Variants in ABHD2 observed in about 807,000 individuals in gnomAD.
ABHD2 encodes monoacylglycerol lipase ABHD2.
ABHD2 carries 20 observed loss-of-function variants against 48.1 expected under a neutral mutation model. That is an observed-to-expected ratio of 0.42 (90% CI 0.29 to 0.60). ABHD2 has a LOEUF of 0.60. Among genes scored for constraint, ABHD2 ranks in the 20% least tolerant of loss-of-function variants. The pLI, the probability that ABHD2 is intolerant of heterozygous loss-of-function variation, is 0.24. For missense variants in ABHD2, 405 were observed against 550.9 expected, an observed-to-expected ratio of 0.74 and a Z score of 2.65; for synonymous variants, 209 against 214.2, an observed-to-expected ratio of 0.98 and a Z score of 0.21.
chr15:89,116,462 C>A lies in ABHD2; in HGVS notation c.135C>A (p.Tyr45Ter). The change falls in exon 3 of 11, where the codon TAC becomes TAA. Residue 45 changes from tyrosine (Y) to a stop codon, truncating the protein, a stop_gained. Transcript: ENST00000352732. LOFTEE classifies it high-confidence loss of function. This position sits in a 1 kb window ranked among gnomAD's most constrained non-coding sequence, Gnocchi z 4.6. ...LKSPTAPPDL[Y>*]FQDSGLSRFL... ...GCCCCACAGCCCCACCTGACCTCTA[C>A]TTCCAGGACTCGGGGCTCTCACGCT... 6.2e-7 allele frequency: 1 copy of A among 1,614,258 alleles called. No individual in the cohort carries two copies. Among genetic ancestry groups the A allele is most frequent in the Non-Finnish European group, 8.5e-7 (1 of 1,180,050 alleles).
At position 89,201,572 on chromosome 15, in the gene ABHD2, T is replaced by C; in HGVS notation, c.*6149T>C. Reference sequence around the variant, plus strand: ...CATAGTCAAAGGGCTGTAGCATTACTGAAACAGTCACAGTTGACCCTGGGT... The same window carrying C: ...CATAGTCAAAGGGCTGTAGCATTACCGAAACAGTCACAGTTGACCCTGGGT... On this transcript the variant is annotated 3_prime_UTR_variant, in exon 11 of 11. Transcript: ENST00000352732. 1 of 1,597,184 alleles carries C rather than the reference T, an allele frequency of 6.3e-7. No individual in the cohort carries two copies. The highest frequency in any genetic ancestry group is 8.6e-7 in the Non-Finnish European group (1 of 1,164,684).
chr15:89,183,472 G>C (rs537444897), intron 6 of ABHD2: 1 of 140,530 alleles, frequency 7.1e-6, no homozygotes, highest in South Asian at 2.3e-4. Flanking sequence ...ATAAATTTAA[G>C]TTTCAATTCC....
chr15:89,044,820 G>A, the ABHD2 span, among the ~76,000 whole-genome samples: 2 of 152,112 alleles, frequency 1.3e-5, no homozygotes, highest in South Asian at 2.1e-4. Flanking sequence ...TGTCAGATGA[G>A]TAGGTTGTGA....
chr15:89,163,684 G>C (rs1336151428), intron 5 of ABHD2, among the ~76,000 whole-genome samples: 1 of 152,230 alleles, frequency 6.6e-6, no homozygotes, highest in Non-Finnish European at 1.5e-5. Context: ...TGTGATGTTT[G>C]AGTATTTAAA....
At chr15:89,075,936 A>G in the ABHD2 span, among the ~76,000 whole-genome samples, 1 of 152,242 alleles carries the variant, frequency 6.6e-6, no homozygotes, top group African/African-American at 2.4e-5. The surrounding 1 kb of genome is among the most constrained non-coding windows in gnomAD (Gnocchi z 4.1). Context: ...CTGAAAGCCA[A>G]CTGCTGGATG....
chr15:89,173,053 T>TA lies in ABHD2; in HGVS notation c.539-2757dup, dbSNP rs2150923956. ...TAGCCATGAGGCCAGGCTGCTCCTTTAAGGCCTGGTTTTCAGTGCCTGTTA... is the reference window on the plus strand; with the variant it reads ...TAGCCATGAGGCCAGGCTGCTCCTTTAAAGGCCTGGTTTTCAGTGCCTGTTA... On this transcript the variant is annotated intron_variant, in intron 5 of 10. Transcript: ENST00000352732. This position sits in a 1 kb window ranked among gnomAD's most constrained non-coding sequence, Gnocchi z 6.5. Among the ~76,000 whole-genome samples the TA allele has an allele frequency of 6.6e-6, 1 of 152,354 alleles. No homozygotes were observed. The highest frequency in any genetic ancestry group is 6.5e-5 in the Admixed American group (1 of 15,306).
In ABHD2 at chr15:89,199,254, C is replaced by G. The variant is rs2051443179; in HGVS notation, c.*3831C>G. 1 of 146,222 alleles carries G rather than the reference C, an allele frequency of 6.8e-6. No individual in the cohort carries two copies. Among genetic ancestry groups the G allele is most frequent in the Non-Finnish European group, 1.5e-5 (1 of 67,178 alleles). The allele number at this position is 146,222 out of a possible 1,614,324, so 9.1% of individuals were successfully genotyped here. The stretch of plus-strand genomic sequence containing the variant: ...AAGCAGATGTCTGAGATGTAAGAAG[C>G]TTTTCTTTTCCTGTGGCATTGATTC... On this transcript the variant is annotated 3_prime_UTR_variant, in exon 11 of 11. Coordinates refer to ENST00000352732, the MANE Select transcript of ABHD2 (RefSeq NM_152924.5). The surrounding 1 kb of genome is among the most constrained non-coding windows in gnomAD (Gnocchi z 4.1).
the ABHD2 span, among the ~76,000 whole-genome samples, chr15:89,080,753 G>A: frequency 2.0e-5 from 3 of 150,552 alleles, no homozygotes; most frequent in Non-Finnish European, 4.4e-5. Flanking sequence ...GGAGTGCAGT[G>A]GCCCAATCTC....
intron 3 of ABHD2, among the ~76,000 whole-genome samples, chr15:89,123,222 A>G (rs1172251834): frequency 6.6e-6 from 1 of 152,174 alleles, no homozygotes; most frequent in Non-Finnish European, 1.5e-5. Context: ...TGCTTCAGGT[A>G]GTCATAAGAG....
In ABHD2 at chr15:89,116,610, C is replaced by A; in HGVS notation, c.194+89C>A. 7.2e-7 allele frequency: 1 copy of A among 1,393,940 alleles called. No individual in the cohort carries two copies. The allele number at this position is 1,393,940 out of a possible 1,614,324, so 86.3% of individuals were successfully genotyped here. Reference sequence around the variant, plus strand: ...AAAGAAGAAACTTCTCTCATCGTGTCCTTAAGGCATCAATGGGATATGACG... The same window carrying A: ...AAAGAAGAAACTTCTCTCATCGTGTACTTAAGGCATCAATGGGATATGACG... On this transcript the variant is annotated intron_variant, in intron 3 of 10. Coordinates refer to ENST00000352732, the MANE Select transcript of ABHD2 (RefSeq NM_152924.5). This position sits in a 1 kb window ranked among gnomAD's most constrained non-coding sequence, Gnocchi z 4.6.
chr15:89,099,562 A>G (rs2049667736), intron 1 of ABHD2, among the ~76,000 whole-genome samples: 1 of 152,018 alleles, frequency 6.6e-6, no homozygotes. Flanking sequence ...GCAGTGAGCT[A>G]TGATTGCACC....
chr15:89,142,709 T>C (rs2050424920), intron 3 of ABHD2, among the ~76,000 whole-genome samples: 1 of 152,154 alleles, frequency 6.6e-6, no homozygotes, highest in Non-Finnish European at 1.5e-5. Context: ...CCCTGAGCCA[T>C]CACCACATTT....
the ABHD2 span, among the ~76,000 whole-genome samples, chr15:89,050,839 G>A: frequency 6.6e-6 from 1 of 152,166 alleles, no homozygotes; most frequent in African/African-American, 2.4e-5. Flanking sequence ...TGAGGGAAAG[G>A]AGGCTGCATG....
chr15:89,155,787 G>A lies in ABHD2; in HGVS notation c.538+253G>A, dbSNP rs1006110288. On this transcript the variant is annotated intron_variant, in intron 5 of 10. Transcript: ENST00000352732. This position sits in a 1 kb window ranked among gnomAD's most constrained non-coding sequence, Gnocchi z 4.9. ...GCTTACAGGGGAAAGTCTTGCCCAA[G>A]GTCCCCTAGCTAGTAAGAGTCACAG... Among the ~76,000 whole-genome samples, 1 of 152,170 alleles carries A rather than the reference G, an allele frequency of 6.6e-6. No homozygotes were observed. The highest frequency in any genetic ancestry group is 2.4e-5 in the African/African-American group (1 of 41,446).
chr15:89,115,986 G>A (rs765567396), intron 2 of ABHD2, among the ~76,000 whole-genome samples: 5 of 152,272 alleles, frequency 3.3e-5, no homozygotes, highest in Admixed American at 1.3e-4. Flanking sequence ...CCACCTCTTC[G>A]ACTGATCTTA....
intron 4 of ABHD2, among the ~76,000 whole-genome samples, chr15:89,154,892 C>T (rs1041713359): frequency 1.3e-5 from 2 of 152,146 alleles, no homozygotes; most frequent in Non-Finnish European, 2.9e-5. Context: ...TTACATCTGT[C>T]GGATAAATAA....
intron 3 of ABHD2, among the ~76,000 whole-genome samples, chr15:89,139,233 C>G (rs1041448570): frequency 1.3e-5 from 2 of 152,040 alleles, no homozygotes; most frequent in African/African-American, 4.8e-5. Flanking sequence ...AATAAATAAA[C>G]TAGAGACATG....
At chr15:89,045,265 T>G in the ABHD2 span, among the ~76,000 whole-genome samples, 24 of 151,886 alleles carry the variant, frequency 1.6e-4, no homozygotes, top group Admixed American at 1.4e-3. Context: ...TTGATCTATA[T>G]CTCTGTTTTG....
chr15:89,069,330 T>A, the ABHD2 span, among the ~76,000 whole-genome samples: 1 of 151,892 alleles, frequency 6.6e-6, no homozygotes, highest in Non-Finnish European at 1.5e-5. Context: ...GTCTCACTAT[T>A]TTTCCAAGGC....
Sources: allele counts gnomAD v4.1 joint callset (sites outside exome capture counted in the v4.1 genomes callset), GRCh38; gene constraint gnomAD v4.1.1; non-coding constraint Gnocchi (gnomAD v3.1); transcripts MANE v1.5; gene names NCBI Gene and HGNC (gene_info 2026-07-23, HGNC 2026-07-21).